The following RPGRIP1L variants were observed in gnomAD, a reference collection of about 807,000 sequenced individuals.
RPGRIP1L encodes protein fantom.
Under a neutral mutation model 160.4 loss-of-function variants are expected in RPGRIP1L, and 131 were observed. The observed-to-expected ratio is 0.82, with a 90% CI of 0.71 to 0.94. The LOEUF is 0.94. RPGRIP1L is among the 40% of genes least tolerant of loss of function. The pLI is 0.00. For missense variants in RPGRIP1L, 1,522 were observed against 1,535.8 expected (o/e 0.99, Z 0.15); for synonymous variants, 510 against 515.8 (o/e 0.99, Z 0.15).
rs200531444 is a variant in RPGRIP1L at position 53,692,161 on chromosome 16, T to C, written c.434A>G (p.Tyr145Cys). 6.2e-7 allele frequency: 1 copy of C among 1,614,212 alleles called. No individual in the cohort carries two copies. Among genetic ancestry groups the C allele is most frequent in the Non-Finnish European group, 8.5e-7 (1 of 1,180,026 alleles). The change falls in exon 4 of 27, where the codon TAC becomes TGC. Residue 145 changes from tyrosine (Y) to cysteine (C), a missense_variant. Coordinates refer to ENST00000647211, the MANE Select transcript of RPGRIP1L (RefSeq NM_015272.5). Reference protein sequence around the residue: ...SAKQQLQTQGYRQTPYNNVQS... With the variant: ...SAKQQLQTQGCRQTPYNNVQS... ...TACATTATTGTATGGAGTTTGCCTG[T>C]AACCCTGGGTTTGAAGTTGCTGTTT...
chr16:53,637,827 C>T lies in RPGRIP1L; in HGVS notation c.3088G>A (p.Val1030Ile). The change falls in exon 21 of 27, where the codon GTA becomes ATA. Residue 1030 changes from valine to isoleucine, a missense_variant. Transcript: ENST00000647211. ...TGCATTTTCTCAGTATTCTCTTTTACCTCATCTACACTGCCTTCTTGTGAA... is the reference window on the plus strand; with the variant it reads ...TGCATTTTCTCAGTATTCTCTTTTATCTCATCTACACTGCCTTCTTGTGAA... ...KVSQEGSVDE[V>I]KENTEKMQQG... 2 of 1,613,050 alleles carry T rather than the reference C, an allele frequency of 1.2e-6. No individual in the cohort carries two copies. The highest frequency in any genetic ancestry group is 1.7e-6 in the Non-Finnish European group (2 of 1,179,664).
intron 15 of RPGRIP1L, among the ~76,000 whole-genome samples, chr16:53,650,870 C>T (rs1044617905): frequency 3.3e-5 from 5 of 152,184 alleles, no homozygotes; most frequent in Admixed American, 3.3e-4. Flanking sequence ...TCCTCCTCTT[C>T]CTGAAGCCTT....
intron 14 of RPGRIP1L, chr16:53,655,579 T>C (rs1439107420): frequency 6.6e-6 from 1 of 152,194 alleles, no homozygotes; most frequent in Non-Finnish European, 1.5e-5. Flanking sequence ...AACACTTATA[T>C]GCTCCCCAAA....
chr16:53,605,601 C>T lies in RPGRIP1L; in HGVS notation c.3715G>A (p.Val1239Met), dbSNP rs142387463. ...EMPNRSLRFT[V>M]VSDPPEDEQD... Reference sequence around the variant, plus strand: ...TCGTCCTCTGGAGGGTCACTGACCACGGTGAAGCGAAGGCTGGTAAGGCAG... The same window carrying T: ...TCGTCCTCTGGAGGGTCACTGACCATGGTGAAGCGAAGGCTGGTAAGGCAG... Residue 1239 changes from valine (V) to methionine (M), a missense_variant, in exon 26 of 27, where the codon GTG becomes ATG. Physicochemically the swap from Val to Met is conservative, Grantham distance 21 (BLOSUM62 1). Coordinates refer to ENST00000647211, the MANE Select transcript of RPGRIP1L (RefSeq NM_015272.5). 114 of 1,613,886 alleles carry T rather than the reference C, an allele frequency of 7.1e-5. 1 individual carries two copies. Among genetic ancestry groups the T allele is most frequent in the Non-Finnish European group, 8.6e-5 (102 of 1,180,018 alleles).
At chr16:53,695,872 A>C (rs1970715405) in intron 3 of RPGRIP1L, 2 of 347,100 alleles carry the variant, frequency 5.8e-6, no homozygotes, top group South Asian at 7.3e-5. Context: ...ATTAAACTAT[A>C]AATATTAAAC....
At chr16:53,693,855 T>A (rs1475138866) in intron 3 of RPGRIP1L, 1 of 152,150 alleles carries the variant, frequency 6.6e-6, no homozygotes, top group Non-Finnish European at 1.5e-5. Context: ...AATATCTGAA[T>A]TTTCTGTTAC....
intron 25 of RPGRIP1L, among the ~76,000 whole-genome samples, chr16:53,609,036 G>A (rs1409093045): frequency 2.0e-5 from 3 of 152,090 alleles, no homozygotes; most frequent in African/African-American, 7.2e-5. Flanking sequence ...TGTTTCTTTG[G>A]GGGGTGTTTG....
chr16:53,692,191 GA>G lies in RPGRIP1L; in HGVS notation c.403del (p.Ser135GlnfsTer44), dbSNP rs1598411105. The G allele has an allele frequency of 6.2e-7, 1 of 1,614,050 alleles. No homozygotes were observed. The highest frequency in any genetic ancestry group is 8.5e-7 in the Non-Finnish European group (1 of 1,180,022). ...QNETLKNRLISAKQQLQTQGY... is the reference protein window; with the variant it reads ...QNETLKNRLIXAKQQLQTQGY... ...CTGGGTTTGAAGTTGCTGTTTGGCT[GA>G]AATCAGTCTGTTTTTGAGGGTTTCA... On this transcript the variant is annotated frameshift_variant, in exon 4 of 27. Coordinates refer to ENST00000647211, the MANE Select transcript of RPGRIP1L (RefSeq NM_015272.5). LOFTEE classifies it high-confidence loss of function.
At chr16:53,653,346 T>G in intron 14 of RPGRIP1L, 1 of 1,078,116 alleles carries the variant, frequency 9.3e-7, no homozygotes, top group Non-Finnish European at 1.1e-6. Context: ...TCCTATAAAG[T>G]CAGTCTCTCT....
chr16:53,691,977 G>T, intron 4 of RPGRIP1L, 89 bp downstream of exon 4: 1 of 1,204,230 alleles, frequency 8.3e-7, no homozygotes, highest in Non-Finnish European at 1.2e-6. Context: ...TTAAAAGCAT[G>T]CGTAATACAG....
chr16:53,655,241 A>T (rs1467199494), intron 14 of RPGRIP1L, among the ~76,000 whole-genome samples: 1 of 152,092 alleles, frequency 6.6e-6, no homozygotes, highest in East Asian at 1.9e-4. Context: ...CCTCTTCTTG[A>T]AGTATTTTTT....
intron 26 of RPGRIP1L, 87 bp from the exon 27 acceptor site, chr16:53,602,275 G>T: frequency 1.2e-6 from 1 of 867,644 alleles, no homozygotes; most frequent in Non-Finnish European, 1.9e-6. Context: ...TAGTTGAAAA[G>T]ATGAAAATAG....
At chr16:53,689,877 C>G (rs965075356) in intron 4 of RPGRIP1L, among the ~76,000 whole-genome samples, 3 of 152,086 alleles carry the variant, frequency 2.0e-5, no homozygotes, top group Non-Finnish European at 2.9e-5. Flanking sequence ...TCTGAATCAC[C>G]AAGAGAGTAC....
intron 25 of RPGRIP1L, chr16:53,607,911 TTTATCTTAC>T: frequency 1.2e-6 from 1 of 855,302 alleles, no homozygotes; most frequent in African/African-American, 1.8e-5. Context: ...ACACAAATCT[TTTATCTTAC>T]TTTCAACACT....
rs1963280624 is a variant in RPGRIP1L at position 53,599,126 on chromosome 16, C to A, written c.*2950G>T. 1 of 152,136 alleles carries A rather than the reference C, an allele frequency of 6.6e-6. No individual in the cohort carries two copies. Among genetic ancestry groups the A allele is most frequent in the Non-Finnish European group, 1.5e-5 (1 of 68,018 alleles). 9.4% of individuals were successfully genotyped at this position (152,136 alleles called of 1,614,324 possible). On this transcript the variant is annotated 3_prime_UTR_variant, in exon 27 of 27. Coordinates refer to ENST00000647211, the MANE Select transcript of RPGRIP1L (RefSeq NM_015272.5). ...ATGTTTTGTTGTGGGAACATGAGTG[C>A]ACGCAAAACCTCTCCAATCACATGA...
At chr16:53,674,371 T>C (rs1397960198) in intron 7 of RPGRIP1L, among the ~76,000 whole-genome samples, 5 of 152,152 alleles carry the variant, frequency 3.3e-5, no homozygotes, top group African/African-American at 1.2e-4. Context: ...ATGTTAATTA[T>C]GCAGTGCCAA....
rs138480507 is a variant in RPGRIP1L, at chr16:53,652,414, A to G, written c.2152+121T>C. On this transcript the variant is annotated intron_variant, in intron 15 of 26. Coordinates refer to ENST00000647211, the MANE Select transcript of RPGRIP1L (RefSeq NM_015272.5). ...TAGTCCAATTAACTGTGGGTAAAGA[A>G]TGTTGTCCTTGCTCTAAAGGCACCT... The G allele has an allele frequency of 3.1e-3, 2,411 of 779,760 alleles. 10 individuals are homozygous for G. The highest frequency in any genetic ancestry group is 0.018 in the Middle Eastern group (50 of 2,810). 48.3% of individuals were successfully genotyped at this position (779,760 alleles called of 1,614,324 possible). A position where few individuals can be genotyped will look rare whatever the true frequency, so the allele number is the denominator to read the frequency against.
chr16:53,652,412 G>C, intron 15 of RPGRIP1L, 123 bp downstream of exon 15: 2 of 771,328 alleles, frequency 2.6e-6, no homozygotes, highest in Non-Finnish European at 4.4e-6. Flanking sequence ...TGTGGGTAAA[G>C]AATGTTGTCC....
chr16:53,665,598 G>A (rs1279501109), intron 9 of RPGRIP1L, among the ~76,000 whole-genome samples: 1 of 152,238 alleles, frequency 6.6e-6, no homozygotes, highest in Non-Finnish European at 1.5e-5. Context: ...GATGTAACAC[G>A]ATTGGAATGA....
Sources: gnomAD v4.1 joint callset for allele counts (sites outside exome capture counted in the v4.1 genomes callset) on GRCh38, gnomAD v4.1.1 for gene constraint, MANE v1.5 for transcripts, NCBI Gene and HGNC (gene_info 2026-07-23, HGNC 2026-07-21) for gene names.